ITPKB: variants seen among roughly 807,000 people sequenced by gnomAD.
ITPKB encodes the protein IP3 3-kinase B.
ITPKB carries 13 observed loss-of-function variants against 69.4 expected under a neutral mutation model. The observed-to-expected ratio is 0.19, with a 90% confidence interval of 0.12 to 0.30. The LOEUF (loss-of-function observed/expected upper bound fraction) is 0.30. Among genes scored for constraint, ITPKB ranks in the 10% least tolerant of loss-of-function variants. ITPKB has a pLI of 1.00. For synonymous variants in ITPKB, 584 were observed against 513.7 expected (o/e 1.14, Z -1.85); for missense variants, 1,240 against 1,250.5 (o/e 0.99, Z 0.13).
rs373148743 is a variant in ITPKB, at chr1:226,735,766, T to C, written c.1693A>G (p.Asn565Asp). 34 of 1,599,054 alleles carry C rather than the reference T, an allele frequency of 2.1e-5. No homozygotes were observed. The highest frequency in any genetic ancestry group is 2.7e-5 in the Non-Finnish European group (31 of 1,168,760). ...TCTGTAATGATGACAGCAGGTATGT[T>C]GCTGGGGCTGCAGGCCTTCCTCAGG... The part of the protein sequence containing the change: ...PFLRKACSPS[N>D]IPAVIITDMG... The change falls in exon 2 of 8, where the codon AAC becomes GAC. Residue 565 changes from asparagine to aspartate, a missense_variant. Around this residue, in one of 2 missense-constraint regions of ITPKB, gnomAD observed 992 missense variants for 853.8 expected, o/e 1.16. Transcript: ENST00000429204.
At chr1:226,645,023 G>C (rs1669035323) in intron 4 of ITPKB, among the ~76,000 whole-genome samples, 1 of 152,216 alleles carries the variant, frequency 6.6e-6, no homozygotes, top group Non-Finnish European at 1.5e-5. Flanking sequence ...AAGCAAGCCT[G>C]GTGCAGAACT....
rs1668962696 is a variant in ITPKB at position 226,641,588 on chromosome 1, G to A, written c.2451+333C>T. ...CCAGTCCCAGTTTGCAGCCATGGCAGAATGAACCAGCTACCCCACAGGCAT... is the reference window on the plus strand; with the variant it reads ...CCAGTCCCAGTTTGCAGCCATGGCAAAATGAACCAGCTACCCCACAGGCAT... On this transcript the variant is annotated intron_variant, in intron 5 of 7. Transcript: ENST00000429204. This position sits in a 1 kb window ranked among gnomAD's most constrained non-coding sequence, Gnocchi z 4.6. Among the ~76,000 whole-genome samples the A allele has an allele frequency of 6.6e-6, 1 of 152,248 alleles. No individual in the cohort carries two copies. Among genetic ancestry groups the A allele is most frequent in the Admixed American group, 6.5e-5 (1 of 15,290 alleles).
chr1:226,737,088 G>A lies in ITPKB; in HGVS notation c.371C>T (p.Pro124Leu), dbSNP rs2102655342. The A allele has an allele frequency of 6.8e-6, 11 of 1,608,998 alleles. No homozygotes were observed. The highest frequency in any genetic ancestry group is 9.3e-6 in the Non-Finnish European group (11 of 1,179,866). Residue 124 changes from proline (P) to leucine (L), a missense_variant, in exon 2 of 8, where the codon CCG (proline) becomes CTG (leucine). Pro to Leu is a moderately conservative substitution (Grantham distance 98). This residue lies in a region of ITPKB where 992 missense variants were observed against 853.8 expected (regional missense o/e 1.16). Coordinates refer to ENST00000429204, the MANE Select transcript of ITPKB (RefSeq NM_002221.4). Reference sequence around the variant, plus strand: ...CCGCAGCTTCCTCTTGGCCTCCTCCGGCCCTGGCGGGGAGAGGGTACCGGC... The same window carrying A: ...CCGCAGCTTCCTCTTGGCCTCCTCCAGCCCTGGCGGGGAGAGGGTACCGGC... ...VAAGTLSPPG[P>L]EEAKRKLRIL... is the part of the protein sequence containing the mutation.
chr1:226,680,348 A>C (rs909883403), intron 2 of ITPKB, among the ~76,000 whole-genome samples: 1 of 152,308 alleles, frequency 6.6e-6, no homozygotes, highest in African/African-American at 2.4e-5. Flanking sequence ...CAGCTTAGAG[A>C]TCCTAAGTCC....
intron 1 of ITPKB, among the ~76,000 whole-genome samples, chr1:226,737,959 C>G (rs939199420): frequency 1.3e-5 from 2 of 152,224 alleles, no homozygotes; most frequent in Admixed American, 6.5e-5. Context: ...CGGCGAGAAG[C>G]GAGGTCCAAG....
At chr1:226,645,754 T>C (rs532313877) in intron 4 of ITPKB, among the ~76,000 whole-genome samples, 1 of 152,284 alleles carries the variant, frequency 6.6e-6, no homozygotes, top group African/African-American at 2.4e-5. Context: ...GCTGGGGGCA[T>C]GTTCTTTCTC....
At position 226,705,529 on chromosome 1, in the gene ITPKB, C is replaced by CAA. The variant is rs11290798; in HGVS notation, c.1932+29996_1932+29997dup. ...GGGCAACAAGAGCAAAACGCCATCTCAAAAAAAAAAAAAAAAAATGATGTC... is the reference window on the plus strand; with the variant it reads ...GGGCAACAAGAGCAAAACGCCATCTCAAAAAAAAAAAAAAAAAAAATGATGTC... On this transcript the variant is annotated intron_variant, in intron 2 of 7. Coordinates refer to ENST00000429204, the MANE Select transcript of ITPKB (RefSeq NM_002221.4). Among the ~76,000 whole-genome samples the CAA allele has an allele frequency of 4.1e-3, 490 of 120,478 alleles. 4 individuals are homozygous for CAA. Among genetic ancestry groups the CAA allele is most frequent in the African/African-American group, 8.7e-3 (267 of 30,686 alleles). 79.0% of individuals were successfully genotyped at this position (120,478 alleles called of 152,430 possible). A position where few individuals can be genotyped will look rare whatever the true frequency, so the allele number is the denominator to read the frequency against.
chr1:226,736,712 C>G lies in ITPKB; in HGVS notation c.747G>C (p.Gln249His). The change falls in exon 2 of 8, where the codon CAG becomes CAC. Residue 249 changes from glutamine to histidine, a missense_variant. By Grantham distance (24) the Gln-to-His change is conservative (BLOSUM62 0). Coordinates refer to ENST00000429204, the MANE Select transcript of ITPKB (RefSeq NM_002221.4). ...GRAAPTGSEAQGPSAFVRMEK... is the reference protein window; with the variant it reads ...GRAAPTGSEAHGPSAFVRMEK... ...CCATCCTTACAAAAGCGGATGGACC[C>G]TGAGCCTCTGATCCTGTAGGGGCAG... The G allele has an allele frequency of 6.2e-7, 1 of 1,612,812 alleles. No individual in the cohort carries two copies. The highest frequency in any genetic ancestry group is 8.5e-7 in the Non-Finnish European group (1 of 1,179,746).
intron 2 of ITPKB, among the ~76,000 whole-genome samples, chr1:226,730,804 CTAA>C (rs1657568599): frequency 6.6e-6 from 1 of 152,208 alleles, no homozygotes; most frequent in Non-Finnish European, 1.5e-5. Flanking sequence ...CAGTACTAAT[CTAA>C]TCTGGAACTG....
chr1:226,737,270 C>T lies in ITPKB; in HGVS notation c.189G>A (p.Ser63=), dbSNP rs745449302. The T allele has an allele frequency of 5.5e-5, 86 of 1,552,598 alleles. No homozygotes were observed. Among genetic ancestry groups the T allele is most frequent in the Non-Finnish European group, 7.2e-5 (83 of 1,156,558 alleles). ...GASFLFPPAE[S]LSPEEPRSPG... is the part of the protein sequence containing the mutation. ...GGCTCCGGGGCTCCTCGGGGGACAG[C>T]GACTCGGCTGGGGGGAAGAGGAAAG... is the stretch of plus-strand genomic sequence containing the variant. The change falls in exon 2 of 8, where the codon TCG becomes TCA. Residue 63 remains serine, a synonymous_variant. Transcript: ENST00000429204.
At chr1:226,653,398 C>T (rs1005233488) in intron 2 of ITPKB, among the ~76,000 whole-genome samples, 9 of 152,184 alleles carry the variant, frequency 5.9e-5, no homozygotes, top group African/African-American at 2.2e-4. Context: ...CAGGGCGGTT[C>T]CCCTGGACAG....
At chr1:226,651,034 G>A (rs908295880) in intron 2 of ITPKB, among the ~76,000 whole-genome samples, 12 of 152,348 alleles carry the variant, frequency 7.9e-5, no homozygotes, top group African/African-American at 2.2e-4. Context: ...AGCATGCATG[G>A]AGGAAGGGTC....
chr1:226,700,452 A>AG (rs1656608096), intron 2 of ITPKB, among the ~76,000 whole-genome samples: 2 of 115,362 alleles, frequency 1.7e-5, no homozygotes, highest in Non-Finnish European at 3.3e-5. Flanking sequence ...CTGGCAACGG[A>AG]GCAAGACTCC....
chr1:226,691,915 C>T (rs1241112719), intron 2 of ITPKB, among the ~76,000 whole-genome samples: 1 of 152,146 alleles, frequency 6.6e-6, no homozygotes, highest in Non-Finnish European at 1.5e-5. Context: ...CAGTGGTCAC[C>T]CAGGGCCCAC....
At chr1:226,701,462 G>A (rs1371713299) in intron 2 of ITPKB, among the ~76,000 whole-genome samples, 1 of 151,418 alleles carries the variant, frequency 6.6e-6, no homozygotes, top group Non-Finnish European at 1.5e-5. Flanking sequence ...AAATTAGCCG[G>A]GCGTGGTGGT....
intron 2 of ITPKB, among the ~76,000 whole-genome samples, chr1:226,695,624 T>A (rs697851): frequency 6.6e-6 from 1 of 152,032 alleles, no homozygotes; most frequent in African/African-American, 2.4e-5. Context: ...TTCTCACACC[T>A]GCCGCAGACC....
At chr1:226,660,097 C>A (rs568713435) in intron 2 of ITPKB, among the ~76,000 whole-genome samples, 39 of 152,346 alleles carry the variant, frequency 2.6e-4, no homozygotes, top group Admixed American at 9.1e-4. Flanking sequence ...CAGGACCCCA[C>A]GGCTGGCAGC....
At chr1:226,639,481 T>C in intron 6 of ITPKB, 76 bp downstream of exon 6, 1 of 1,002,022 alleles carries the variant, frequency 1.0e-6, no homozygotes, top group South Asian at 1.3e-5. Context: ...GTCCTCCCCA[T>C]GGGCACCTCC....
intron 2 of ITPKB, among the ~76,000 whole-genome samples, chr1:226,725,014 T>C (rs1657364764): frequency 6.6e-6 from 1 of 152,108 alleles, no homozygotes. Context: ...ACTCCTTCCC[T>C]AGAGGCTGTT....
Sources: allele counts gnomAD v4.1 joint callset (sites outside exome capture counted in the v4.1 genomes callset), GRCh38; gene constraint gnomAD v4.1.1; regional missense constraint gnomAD v4.1.1; non-coding constraint Gnocchi (gnomAD v3.1); transcripts MANE v1.5; gene names NCBI Gene and HGNC (gene_info 2026-07-23, HGNC 2026-07-21).